The following ARHGEF12 variants were observed in gnomAD, a reference collection of about 807,000 sequenced individuals.
ARHGEF12 encodes the protein Rho guanine nucleotide exchange factor 12.
Under a neutral mutation model 211.2 loss-of-function variants are expected in ARHGEF12, and 66 were observed. The observed-to-expected ratio is 0.31, with a 90% CI of 0.26 to 0.38. ARHGEF12 has a LOEUF of 0.38. ARHGEF12 is among the 10% of genes least tolerant of loss of function. The pLI, the probability that ARHGEF12 is intolerant of heterozygous loss-of-function variation, is 1.00. For missense variants in ARHGEF12, 1,429 were observed against 1,869.5 expected (o/e 0.76, Z 4.34); for synonymous variants, 592 against 638.4 (o/e 0.93, Z 1.09).
rs929106035 is a variant in ARHGEF12 at position 120,479,957 on chromosome 11, T to C, written c.3767-3T>C. 5 of 1,608,500 alleles carry C rather than the reference T, an allele frequency of 3.1e-6. No homozygotes were observed. In the South Asian group the frequency reaches 3.3e-5, roughly 11 times the overall value. ...TTTTCCCCCTCCTTCCTAAATCGTTTAGTGGGTTTGTTGAAGCAGTTGCTG... is the reference window on the plus strand; with the variant it reads ...TTTTCCCCCTCCTTCCTAAATCGTTCAGTGGGTTTGTTGAAGCAGTTGCTG... On this transcript the variant is annotated splice_polypyrimidine_tract_variant and splice_region_variant and intron_variant, in intron 37 of 40. Transcript: ENST00000397843.
At chr11:120,484,342 G>A in intron 39 of ARHGEF12, 96 bp from the exon 40 acceptor site, 9 of 1,051,572 alleles carry the variant, frequency 8.6e-6, no homozygotes, top group East Asian at 5.1e-5. Flanking sequence ...GCTTGTACCT[G>A]TAATGTAAAA....
At chr11:120,363,460 T>C (rs1943334732) in intron 1 of ARHGEF12, among the ~76,000 whole-genome samples, 1 of 152,214 alleles carries the variant, frequency 6.6e-6, no homozygotes, top group Non-Finnish European at 1.5e-5. Flanking sequence ...AGTTTACATT[T>C]CCCCCACTAG....
chr11:120,469,421 C>A, intron 30 of ARHGEF12, 33 bp downstream of exon 30: 1 of 1,496,670 alleles, frequency 6.7e-7, no homozygotes, highest in Non-Finnish European at 9.2e-7. Context: ...TACAGGATGA[C>A]ATTGGGAGAA....
chr11:120,473,333 CTG>C (rs1165686931), intron 31 of ARHGEF12, among the ~76,000 whole-genome samples: 1 of 152,062 alleles, frequency 6.6e-6, no homozygotes, highest in African/African-American at 2.4e-5. Flanking sequence ...TTGCATAAAA[CTG>C]TAATATTACA....
intron 1 of ARHGEF12, among the ~76,000 whole-genome samples, chr11:120,399,321 CAAAAAAAAAAA>C (rs71050743): frequency 7.9e-4 from 29 of 36,502 alleles, no homozygotes; most frequent in South Asian, 1.5e-3. Flanking sequence ...ACATTGTCTC[CAAAAAAAAAAA>C]AAAAAAAAAA....
chr11:120,426,962 C>T (rs1340345079), intron 7 of ARHGEF12, among the ~76,000 whole-genome samples: 3 of 151,998 alleles, frequency 2.0e-5, no homozygotes, highest in South Asian at 2.1e-4. Context: ...CTGCAACCTC[C>T]GCCTCCCAGG....
intron 1 of ARHGEF12, among the ~76,000 whole-genome samples, chr11:120,342,483 C>G (rs1565413090): frequency 6.6e-6 from 1 of 152,104 alleles, no homozygotes; most frequent in Non-Finnish European, 1.5e-5. Flanking sequence ...ATTCATTATC[C>G]TTTCCGGTCC....
intron 27 of ARHGEF12, chr11:120,463,676 A>G (rs1946606106): frequency 6.6e-6 from 1 of 152,158 alleles, no homozygotes; most frequent in Non-Finnish European, 1.5e-5. Context: ...TCTCCTTGTT[A>G]AACATGTTAA....
chr11:120,424,157 AT>A (rs1945276628), intron 6 of ARHGEF12, among the ~76,000 whole-genome samples, 200 bp from the exon 7 acceptor site: 1 of 152,112 alleles, frequency 6.6e-6, no homozygotes. Context: ...GCCTCGGTTT[AT>A]GTTTAAGTTC....
chr11:120,427,950 C>A, intron 7 of ARHGEF12, 119 bp from the exon 8 acceptor site: 1 of 767,316 alleles, frequency 1.3e-6, no homozygotes, highest in Non-Finnish European at 1.9e-6. Context: ...GATGATGGGA[C>A]TGTCTTACAT....
chr11:120,436,988 G>A (rs1157487141), intron 11 of ARHGEF12, among the ~76,000 whole-genome samples: 1 of 141,554 alleles, frequency 7.1e-6, no homozygotes, highest in Non-Finnish European at 1.6e-5. Flanking sequence ...GAAGATAAGA[G>A]AGTTTGATTT....
rs150679354 is a variant in ARHGEF12, at chr11:120,459,148, A to G, written c.2381-26A>G. The G allele has an allele frequency of 3.0e-4, 475 of 1,569,132 alleles. No individual in the cohort carries two copies. In the African/African-American group the frequency reaches 3.8e-3, roughly 13 times the overall value. Reference sequence around the variant, plus strand: ...CCATGGAATTGTTCTAAGTAAGGCAACATTTCATATCTCTTTCCTGTTCAG... The same window carrying G: ...CCATGGAATTGTTCTAAGTAAGGCAGCATTTCATATCTCTTTCCTGTTCAG... On this transcript the variant is annotated intron_variant, in intron 25 of 40. Coordinates refer to ENST00000397843, the MANE Select transcript of ARHGEF12 (RefSeq NM_015313.3).
intron 1 of ARHGEF12, among the ~76,000 whole-genome samples, chr11:120,369,329 A>G (rs901729216): frequency 3.3e-5 from 5 of 152,066 alleles, no homozygotes; most frequent in African/African-American, 1.2e-4. Context: ...GGGTTTCACC[A>G]TGTTGGCCAG....
intron 1 of ARHGEF12, among the ~76,000 whole-genome samples, chr11:120,370,909 A>C (rs1943572469): frequency 6.6e-6 from 1 of 151,456 alleles, no homozygotes; most frequent in Admixed American, 6.6e-5. Context: ...TATTTAAGGT[A>C]GTGTGTTATA....
rs943535866 is a variant in ARHGEF12, at chr11:120,336,634, C to G, written c.-610C>G. ...TCCCTGTCACCTCGGGCCGCGGGAC[C>G]TCTCCGCCGGCGCCAGCGGCTCGTC... is the stretch of plus-strand genomic sequence containing the variant. On this transcript the variant is annotated 5_prime_UTR_variant, in exon 1 of 41. Coordinates refer to ENST00000397843, the MANE Select transcript of ARHGEF12 (RefSeq NM_015313.3). Among the ~76,000 whole-genome samples, 5 of 152,114 alleles carry G rather than the reference C, an allele frequency of 3.3e-5. No homozygotes were observed. The highest frequency in any genetic ancestry group is 7.4e-5 in the Non-Finnish European group (5 of 68,000).
In ARHGEF12 at chr11:120,488,683, C is replaced by T. The variant is rs142864831; in HGVS notation, c.*3606C>T. ...AAAAATGGTAACTGTCATGTGCACA[C>T]TGTTGGTTATTTTTAATAAGCCTCT... On this transcript the variant is annotated 3_prime_UTR_variant, in exon 41 of 41. Coordinates refer to ENST00000397843, the MANE Select transcript of ARHGEF12 (RefSeq NM_015313.3). 10 of 220,780 alleles carry T rather than the reference C, an allele frequency of 4.5e-5. No homozygotes were observed. The highest frequency in any genetic ancestry group is 2.2e-4 in the African/African-American group (10 of 44,738). 13.7% of individuals were successfully genotyped at this position (220,780 alleles called of 1,614,324 possible).
Position 120,485,825 on chromosome 11 carries a change from A to G in ARHGEF12, c.*748A>G, listed in dbSNP as rs1947382757. ...CAACCACAATTAATAGGAATCCTCAACATACTAAATAGCAGGCACTTGAAA... is the reference window on the plus strand; with the variant it reads ...CAACCACAATTAATAGGAATCCTCAGCATACTAAATAGCAGGCACTTGAAA... On this transcript the variant is annotated 3_prime_UTR_variant, in exon 41 of 41. Coordinates refer to ENST00000397843, the MANE Select transcript of ARHGEF12 (RefSeq NM_015313.3). 4.3e-6 allele frequency: 1 copy of G among 233,494 alleles called. No individual in the cohort carries two copies. The highest frequency in any genetic ancestry group is 8.5e-6 in the Non-Finnish European group (1 of 117,916). 14.5% of individuals were successfully genotyped at this position (233,494 alleles called of 1,614,324 possible).
At chr11:120,386,418 T>C (rs960955930) in intron 1 of ARHGEF12, among the ~76,000 whole-genome samples, 1 of 152,138 alleles carries the variant, frequency 6.6e-6, no homozygotes, top group Non-Finnish European at 1.5e-5. Context: ...AAAGACAGAC[T>C]GAAAACATGT....
At chr11:120,479,939 C>T (rs773006418) in intron 37 of ARHGEF12, 21 bp from the exon 38 acceptor site, 3 of 1,586,386 alleles carry the variant, frequency 1.9e-6, no homozygotes, top group South Asian at 1.1e-5. Context: ...TTTTTTTCCC[C>T]CTCCTTCCTA....
Sources: gnomAD v4.1 joint callset for allele counts (sites outside exome capture counted in the v4.1 genomes callset) on GRCh38, gnomAD v4.1.1 for gene constraint, MANE v1.5 for transcripts, NCBI Gene and HGNC (gene_info 2026-07-23, HGNC 2026-07-21) for gene names.